The following NDST3 variants were observed in gnomAD, a reference collection of about 807,000 sequenced individuals.
NDST3 encodes bifunctional heparan sulfate N-deacetylase/N-sulfotransferase 3.
In NDST3, 58 loss-of-function variants were observed where a neutral mutation model predicts 96.1. That is an observed-to-expected ratio of 0.60 (90% confidence interval 0.49 to 0.75). The LOEUF is 0.75. NDST3 is among the 30% of genes least tolerant of loss of function. The probability of loss-of-function intolerance (pLI) is 0.00; values close to 1 mark genes in which losing one functional copy is unlikely to be tolerated. For missense variants in NDST3, 788 were observed against 1,034.2 expected (o/e 0.76, Z 3.27); for synonymous variants, 333 against 359.7 (o/e 0.93, Z 0.84).
At chr4:118,196,127 C>A (rs1315533625) in intron 6 of NDST3, among the ~76,000 whole-genome samples, 1 of 152,160 alleles carries the variant, frequency 6.6e-6, no homozygotes, top group Non-Finnish European at 1.5e-5. Flanking sequence ...CATCATTCTA[C>A]TGATATGATG....
At chr4:118,105,654 T>C (rs1226188140) in intron 3 of NDST3, among the ~76,000 whole-genome samples, 1 of 152,228 alleles carries the variant, frequency 6.6e-6, no homozygotes, top group African/African-American at 2.4e-5. Flanking sequence ...TTCCTTGCTG[T>C]ACAGTATTCC....
chr4:118,057,045 G>T (rs928414872), intron 2 of NDST3, among the ~76,000 whole-genome samples: 5 of 151,918 alleles, frequency 3.3e-5, no homozygotes, highest in Admixed American at 2.6e-4. Context: ...TTCAGACAAA[G>T]ACAGCAATTT....
At chr4:118,106,872 C>T (rs1402572825) in intron 3 of NDST3, among the ~76,000 whole-genome samples, 3 of 152,020 alleles carry the variant, frequency 2.0e-5, no homozygotes, top group African/African-American at 4.8e-5. Flanking sequence ...GGGTGGATCG[C>T]GAGGTCAGGA....
At chr4:118,142,094 T>A (rs894027820) in intron 5 of NDST3, among the ~76,000 whole-genome samples, 1 of 152,170 alleles carries the variant, frequency 6.6e-6, no homozygotes, top group African/African-American at 2.4e-5. Flanking sequence ...ATATATTTAA[T>A]TCCATTAGAA....
At chr4:118,182,599 T>C (rs945328770) in intron 6 of NDST3, among the ~76,000 whole-genome samples, 1 of 152,110 alleles carries the variant, frequency 6.6e-6, no homozygotes, top group African/African-American at 2.4e-5. Flanking sequence ...CCCCTGAGAA[T>C]TGAAATGATC....
Position 118,237,484 on chromosome 4 carries a change from ATAT to A in NDST3, c.2118+268_2118+270del, listed in dbSNP as rs1339050319. Among the ~76,000 whole-genome samples, 10 of 152,198 alleles carry A rather than the reference ATAT, an allele frequency of 6.6e-5. No homozygotes were observed. In the South Asian group the frequency reaches 1.0e-3, roughly 16 times the overall value. On this transcript the variant is annotated intron_variant, in intron 10 of 13. Transcript: ENST00000296499. ...AGAAACTAAATTAAAATATAACAAA[ATAT>A]TATGTACTTTTTTATATCTATGCCT...
At chr4:118,225,376 T>C (rs1301664577) in intron 7 of NDST3, among the ~76,000 whole-genome samples, 1 of 152,194 alleles carries the variant, frequency 6.6e-6, no homozygotes, top group Non-Finnish European at 1.5e-5. Flanking sequence ...TAATTACATA[T>C]TGCTTATTAT....
intron 6 of NDST3, among the ~76,000 whole-genome samples, chr4:118,176,201 A>T (rs1228026547): frequency 6.6e-6 from 1 of 151,852 alleles, no homozygotes; most frequent in Non-Finnish European, 1.5e-5. Flanking sequence ...GCAAGCAAAC[A>T]TTTACCTATG....
At chr4:118,112,340 C>A (rs1209776175) in intron 3 of NDST3, among the ~76,000 whole-genome samples, 1 of 151,982 alleles carries the variant, frequency 6.6e-6, no homozygotes, top group African/African-American at 2.4e-5. Context: ...AGGAAAGCTT[C>A]AAGGAAAGAT....
In NDST3 at chr4:118,143,667, A is replaced by G; in HGVS notation, c.1522A>G (p.Thr508Ala). Reference sequence around the variant, plus strand: ...TATCCAAGGAGGAGAACTTTTCTTCACTGTCGTCCTCAACCCTGTAAGTAC... The same window carrying G: ...TATCCAAGGAGGAGAACTTTTCTTCGCTGTCGTCCTCAACCCTGTAAGTAC... The part of the protein sequence containing the change: ...KSIQGGELFF[T>A]VVLNPISIFM... Residue 508 changes from threonine to alanine, a missense_variant, in exon 6 of 14, where the codon ACT (threonine) becomes GCT (alanine). Transcript: ENST00000296499. 2 of 1,602,304 alleles carry G rather than the reference A, an allele frequency of 1.2e-6. No homozygotes were observed. Among genetic ancestry groups the G allele is most frequent in the Non-Finnish European group, 1.7e-6 (2 of 1,176,634 alleles).
intron 2 of NDST3, among the ~76,000 whole-genome samples, chr4:118,082,322 T>C (rs1055830785): frequency 6.6e-6 from 1 of 152,186 alleles, no homozygotes; most frequent in African/African-American, 2.4e-5. Context: ...CATAGTTTCA[T>C]GGTTGCTGGC....
chr4:118,120,967 C>A (rs143842285), intron 4 of NDST3, among the ~76,000 whole-genome samples: 4 of 151,630 alleles, frequency 2.6e-5, no homozygotes, highest in Non-Finnish European at 4.4e-5. Flanking sequence ...GTCTGCCCGA[C>A]CCTCTGTCCA....
intron 6 of NDST3, among the ~76,000 whole-genome samples, chr4:118,224,185 T>C (rs1417736610): frequency 6.6e-6 from 1 of 152,152 alleles, no homozygotes; most frequent in African/African-American, 2.4e-5. Flanking sequence ...ATACAGGTTG[T>C]TATTCAGCAT....
At chr4:118,161,416 C>T (rs1217154708) in intron 6 of NDST3, among the ~76,000 whole-genome samples, 1 of 152,206 alleles carries the variant, frequency 6.6e-6, no homozygotes, top group Non-Finnish European at 1.5e-5. Context: ...CAGACAGGGA[C>T]ATTTAAGTCT....
chr4:118,165,285 A>T (rs1002816296), intron 6 of NDST3, among the ~76,000 whole-genome samples: 1 of 152,124 alleles, frequency 6.6e-6, no homozygotes, highest in African/African-American at 2.4e-5. Context: ...CCATATTCAT[A>T]TCAGAAAAAA....
rs1204471153 is a variant in NDST3, at chr4:118,170,034, AG to A, written c.1539+26351del. Among the ~76,000 whole-genome samples, 8 of 152,330 alleles carry A rather than the reference AG, an allele frequency of 5.3e-5. No homozygotes were observed. In the East Asian group the frequency reaches 7.7e-4, roughly 15 times the overall value. On this transcript the variant is annotated intron_variant, in intron 6 of 13. Transcript: ENST00000296499. Reference sequence around the variant, plus strand: ...TAAGGCTCCATCAAGTGTTGCAGCAAGTAAGGCAGAAGCAGAATTGCCTTGG... The same window carrying A: ...TAAGGCTCCATCAAGTGTTGCAGCAATAAGGCAGAAGCAGAATTGCCTTGG...
chr4:118,256,404 T>C lies in NDST3; in HGVS notation c.*692T>C, dbSNP rs1742126593. On this transcript the variant is annotated 3_prime_UTR_variant, in exon 14 of 14. Coordinates refer to ENST00000296499, the MANE Select transcript of NDST3 (RefSeq NM_004784.3). Reference sequence around the variant, plus strand: ...CTCTTCCATCACAACGTAATTGTTATACTGAAATATATACTGTAAAGCTGT... The same window carrying C: ...CTCTTCCATCACAACGTAATTGTTACACTGAAATATATACTGTAAAGCTGT... 1 of 152,222 alleles carries C rather than the reference T, an allele frequency of 6.6e-6. No individual in the cohort carries two copies. Among genetic ancestry groups the C allele is most frequent in the Admixed American group, 6.5e-5 (1 of 15,284 alleles). The allele number at this position is 152,222 out of a possible 1,614,324, so 9.4% of individuals were successfully genotyped here.
At position 118,086,756 on chromosome 4, in the gene NDST3, C is replaced by A. The variant is rs1728456264; in HGVS notation, c.982-18262C>A. ...TCATCGGTTTGGGTAAGCTTCTTGG[C>A]CTAATAATCCTAAAACCATTTTAAA... On this transcript the variant is annotated intron_variant, in intron 2 of 13. Transcript: ENST00000296499. 3.3e-5 allele frequency among the ~76,000 whole-genome samples: 5 copies of A among 151,960 alleles called. No homozygotes were observed. The South Asian group carries it at 1.0e-3, about 32-fold the overall frequency.
At chr4:118,234,585 T>C (rs1740517509) in intron 9 of NDST3, among the ~76,000 whole-genome samples, 1 of 152,110 alleles carries the variant, frequency 6.6e-6, no homozygotes, top group Non-Finnish European at 1.5e-5. Flanking sequence ...TACATTCCTG[T>C]CAATAATTGG....
Sources: allele counts gnomAD v4.1 joint callset (sites outside exome capture counted in the v4.1 genomes callset), GRCh38; gene constraint gnomAD v4.1.1; transcripts MANE v1.5; gene names NCBI Gene and HGNC (gene_info 2026-07-23, HGNC 2026-07-21).